Variants in TUSC3 observed in about 807,000 individuals in gnomAD.
TUSC3 encodes tumor suppressor candidate 3.
A neutral mutation model predicts 44.8 loss-of-function variants in TUSC3; 45 were observed. The ratio of observed to expected loss-of-function variants is 1.00; its 90% CI spans 0.79 to 1.29. The LOEUF (loss-of-function observed/expected upper bound fraction) is 1.29. TUSC3 is among the 50% of genes most tolerant of loss of function. The probability of loss-of-function intolerance (pLI) is 0.00; values close to 1 mark genes in which losing one functional copy is unlikely to be tolerated. For missense variants in TUSC3, 519 were observed against 437.9 expected (o/e 1.19, Z -1.65); for synonymous variants, 212 against 152.9 (o/e 1.39, Z -2.85).
In TUSC3 at chr8:15,582,204, T is replaced by C. The variant is rs941271748; in HGVS notation, c.139-40876T>C. 3.2e-4 allele frequency among the ~76,000 whole-genome samples: 49 copies of C among 152,320 alleles called. 1 individual carries two copies. Among genetic ancestry groups the C allele is most frequent in the Admixed American group, 1.0e-3 (16 of 15,308 alleles). On this transcript the variant is annotated intron_variant, in intron 1 of 10. Transcript: ENST00000503731. ...CGCGCACCCACTGGCCTGCGCCCACTGTCTGGCACTCCCTAGTGAGAGAAA... is the reference window on the plus strand; with the variant it reads ...CGCGCACCCACTGGCCTGCGCCCACCGTCTGGCACTCCCTAGTGAGAGAAA...
chr8:15,484,545 A>T (rs1009264368), intron 2 of TUSC3, among the ~76,000 whole-genome samples: 1 of 152,252 alleles, frequency 6.6e-6, no homozygotes, highest in Non-Finnish European at 1.5e-5. Flanking sequence ...AAAATTATCC[A>T]ACATGTCTAT....
At chr8:15,593,242 C>A (rs949248287) in intron 1 of TUSC3, among the ~76,000 whole-genome samples, 5 of 152,130 alleles carry the variant, frequency 3.3e-5, no homozygotes, top group African/African-American at 1.2e-4. Context: ...CGTGCCACCA[C>A]ACCTGGCTAA....
chr8:15,746,862 A>G (rs554367231), intron 8 of TUSC3, among the ~76,000 whole-genome samples: 10 of 150,268 alleles, frequency 6.7e-5, no homozygotes, highest in East Asian at 1.9e-4. Flanking sequence ...AGTTGTTACT[A>G]TGCTGTATCT....
At chr8:15,707,284 G>A (rs929848460) in intron 6 of TUSC3, among the ~76,000 whole-genome samples, 6 of 151,948 alleles carry the variant, frequency 3.9e-5, no homozygotes, top group Non-Finnish European at 4.4e-5. Flanking sequence ...CTGAAATGTG[G>A]TTATGTTGGA....
At chr8:15,682,447 C>T (rs922490336) in intron 6 of TUSC3, among the ~76,000 whole-genome samples, 7 of 151,952 alleles carry the variant, frequency 4.6e-5, no homozygotes, top group African/African-American at 1.7e-4. Flanking sequence ...TAACTGTTGT[C>T]GTTTTAAAGT....
intron 1 of TUSC3, among the ~76,000 whole-genome samples, chr8:15,448,205 G>A (rs1279952843): frequency 6.6e-6 from 1 of 150,562 alleles, no homozygotes; most frequent in Non-Finnish European, 1.5e-5. Context: ...TGCAACCTCT[G>A]CCTCCTGGGT....
chr8:15,522,373 C>T (rs1801310411), intron 2 of TUSC3, among the ~76,000 whole-genome samples: 1 of 152,122 alleles, frequency 6.6e-6, no homozygotes, highest in Non-Finnish European at 1.5e-5. Context: ...GCTGGCATTA[C>T]AGGCCTGCGC....
chr8:15,559,244 C>A (rs1278510119), intron 1 of TUSC3, among the ~76,000 whole-genome samples: 2 of 141,046 alleles, frequency 1.4e-5, no homozygotes, highest in East Asian at 4.3e-4. Context: ...TTATTTCTGC[C>A]TTCATTTTGT....
chr8:15,492,944 G>T (rs993566534), intron 2 of TUSC3, among the ~76,000 whole-genome samples: 13 of 151,952 alleles, frequency 8.6e-5, no homozygotes, highest in African/African-American at 3.1e-4. Context: ...AGACAAAACT[G>T]TTGCCACTGC....
upstream of TUSC3, among the ~76,000 whole-genome samples, chr8:15,539,503 A>C (rs1801599739): frequency 6.6e-6 from 1 of 151,488 alleles, no homozygotes; most frequent in South Asian, 2.1e-4. Flanking sequence ...AAGGCGCTCC[A>C]CCATGCCCGG....
chr8:15,849,036 A>C, the TUSC3 span, among the ~76,000 whole-genome samples: 4 of 152,218 alleles, frequency 2.6e-5, no homozygotes, highest in Admixed American at 2.6e-4. Flanking sequence ...TAATAAAGTA[A>C]GAGCTCAAAT....
chr8:15,692,373 T>A (rs1327181857), intron 6 of TUSC3, among the ~76,000 whole-genome samples: 1 of 34,998 alleles, frequency 2.9e-5, no homozygotes, highest in Non-Finnish European at 5.8e-5. Flanking sequence ...CCCCCCCCCT[T>A]TGTTTTTTTT....
chr8:15,717,239 G>T (rs1283935233), intron 6 of TUSC3, among the ~76,000 whole-genome samples: 1 of 152,050 alleles, frequency 6.6e-6, no homozygotes, highest in Non-Finnish European at 1.5e-5. Context: ...AAAGGAGGTG[G>T]AATTTGAATT....
intron 6 of TUSC3, among the ~76,000 whole-genome samples, chr8:15,691,497 T>C (rs1563175269): frequency 1.3e-5 from 2 of 152,190 alleles, no homozygotes; most frequent in Admixed American, 6.5e-5. Context: ...TGATGCCTTT[T>C]ATTTCATTCT....
intron 9 of TUSC3, among the ~76,000 whole-genome samples, chr8:15,755,103 T>C (rs984780944): frequency 2.0e-5 from 3 of 152,156 alleles, no homozygotes; most frequent in Non-Finnish European, 4.4e-5. Flanking sequence ...TCTCATGCCA[T>C]TACTAAATTC....
intron 6 of TUSC3, among the ~76,000 whole-genome samples, chr8:15,698,197 T>G (rs1415567205): frequency 6.6e-6 from 1 of 152,186 alleles, no homozygotes; most frequent in Non-Finnish European, 1.5e-5. Flanking sequence ...CTAGCAAAGC[T>G]GCTGTGTTAA....
intron 6 of TUSC3, among the ~76,000 whole-genome samples, chr8:15,692,168 A>G (rs767918444): frequency 6.6e-6 from 1 of 152,130 alleles, no homozygotes; most frequent in Non-Finnish European, 1.5e-5. Context: ...ACCAGGGATA[A>G]AGACTACTTG....
At chr8:15,539,257 T>C (rs1173487767), upstream of TUSC3, among the ~76,000 whole-genome samples, 1 of 151,614 alleles carries the variant, frequency 6.6e-6, no homozygotes, top group East Asian at 1.9e-4. Flanking sequence ...TGAAGAAATC[T>C]CTAGATACTA....
chr8:15,521,543 C>T (rs571910018), intron 2 of TUSC3, among the ~76,000 whole-genome samples: 13 of 152,208 alleles, frequency 8.5e-5, no homozygotes, highest in Non-Finnish European at 1.6e-4. Context: ...TGGGCTTCCC[C>T]ATACCACATT....
Sources: gnomAD v4.1 joint callset for allele counts (sites outside exome capture counted in the v4.1 genomes callset) on GRCh38, gnomAD v4.1.1 for gene constraint, MANE v1.5 for transcripts, NCBI Gene and HGNC (gene_info 2026-07-23, HGNC 2026-07-21) for gene names.